Variants in WDFY4 observed in about 807,000 individuals in gnomAD.
The protein encoded by WDFY4 is WDFY family member 4, also known as WD repeat- and FYVE domain-containing protein 4.
A neutral mutation model predicts 351.9 loss-of-function variants in WDFY4; 169 were observed. The observed-to-expected ratio is 0.48, with a 90% confidence interval of 0.42 to 0.55. The LOEUF (loss-of-function observed/expected upper bound fraction) is 0.55, where lower values mean the gene tolerates loss of function less well. Ranked by LOEUF, WDFY4 falls within the 20% of genes least tolerant of loss-of-function variation. WDFY4 has a pLI of 0.00. For synonymous variants in WDFY4, 1,622 were observed against 1,574.6 expected (o/e 1.03, Z -0.71); for missense variants, 3,803 against 3,935.6 (o/e 0.97, Z 0.90).
At chr10:48,842,493 C>T (rs371266399) in intron 39 of WDFY4, among the ~76,000 whole-genome samples, 1 of 152,202 alleles carries the variant, frequency 6.6e-6, no homozygotes, top group South Asian at 2.1e-4. Context: ...GAGGAGGACG[C>T]CTTGTTCTCA....
At chr10:48,958,430 C>A (rs1003772483) in intron 52 of WDFY4, among the ~76,000 whole-genome samples, 1 of 152,158 alleles carries the variant, frequency 6.6e-6, no homozygotes, top group African/African-American at 2.4e-5. Context: ...GGTTAGAGCA[C>A]TGACCAGAGT....
Position 48,828,902 on chromosome 10 carries a change from TTTTA to T in WDFY4, c.6340+10_6340+13del, listed in dbSNP as rs1339574792. 8 of 1,020,746 alleles carry T rather than the reference TTTTA, an allele frequency of 7.8e-6. No homozygotes were observed. The East Asian group carries it at 5.2e-4, about 66-fold the overall frequency. 63.2% of individuals were successfully genotyped at this position (1,020,746 alleles called of 1,614,324 possible). ...CTTACCAAGTTTGAGTGATGGTACA[TTTTA>T]TTTGTCATTGTGTGTGTGGGCGGGG... On this transcript the variant is annotated splice_region_variant and intron_variant, in intron 37 of 61. Transcript: ENST00000325239.
chr10:48,780,175 C>T (rs1214525809), intron 19 of WDFY4, 56 bp downstream of exon 19: 2 of 1,523,256 alleles, frequency 1.3e-6, no homozygotes, highest in Middle Eastern at 1.7e-4. Context: ...CTGCTACTAC[C>T]CTGAAGTGGC....
intron 47 of WDFY4, among the ~76,000 whole-genome samples, chr10:48,928,072 G>A (rs549136477): frequency 2.6e-5 from 4 of 152,276 alleles, no homozygotes; most frequent in South Asian, 2.1e-4. Flanking sequence ...TGTTTTAAGC[G>A]CTGCTATTGC....
chr10:48,933,790 C>T (rs1021931782), intron 47 of WDFY4, among the ~76,000 whole-genome samples: 5 of 152,118 alleles, frequency 3.3e-5, no homozygotes, highest in African/African-American at 1.2e-4. Context: ...CAATTGCACA[C>T]CTTGTGTTCT....
chr10:48,909,093 T>A (rs1173898717), intron 47 of WDFY4, among the ~76,000 whole-genome samples: 2 of 152,244 alleles, frequency 1.3e-5, no homozygotes, highest in Non-Finnish European at 2.9e-5. Context: ...TTGTTGCATG[T>A]ATCAGTGGTC....
chr10:48,880,955 C>T (rs1488809778), intron 43 of WDFY4, among the ~76,000 whole-genome samples: 18 of 152,078 alleles, frequency 1.2e-4, no homozygotes, highest in Admixed American at 7.9e-4. Flanking sequence ...AAAACCCTGC[C>T]CAATTCTAAT....
intron 40 of WDFY4, among the ~76,000 whole-genome samples, chr10:48,870,388 A>G (rs2069721111): frequency 6.6e-6 from 1 of 152,190 alleles, no homozygotes; most frequent in Admixed American, 6.5e-5. Flanking sequence ...GTAGTTAAAA[A>G]GACATTAGCC....
At position 48,976,927 on chromosome 10, in the gene WDFY4, C is replaced by G; in HGVS notation, c.9239C>G (p.Ala3080Gly). 2 of 1,531,086 alleles carry G rather than the reference C, an allele frequency of 1.3e-6. No individual in the cohort carries two copies. The highest frequency in any genetic ancestry group is 1.8e-6 in the Non-Finnish European group (2 of 1,135,532). 94.8% of individuals were successfully genotyped at this position (1,531,086 alleles called of 1,614,324 possible). Residue 3080 changes from alanine (A) to glycine (G), a missense_variant, in exon 59 of 62, where the codon GCA (alanine) becomes GGA (glycine). Physicochemically the swap from Ala to Gly is moderately conservative, Grantham distance 60. This residue lies in a region of WDFY4 where 3,054 missense variants were observed against 3,148.6 expected (regional missense o/e 0.97). Transcript: ENST00000325239. ...ITCCCLMEGP[A>G]WDTSQIIITG... Reference sequence around the variant, plus strand: ...TGCTGCTGCCTGATGGAGGGCCCAGCATGGGACACAAGCCAGATCATCATC... The same window carrying G: ...TGCTGCTGCCTGATGGAGGGCCCAGGATGGGACACAAGCCAGATCATCATC...
intron 44 of WDFY4, among the ~76,000 whole-genome samples, chr10:48,893,681 G>GT (rs1836930129): frequency 6.6e-6 from 1 of 152,182 alleles, no homozygotes; most frequent in Non-Finnish European, 1.5e-5. Context: ...ATGTTTCTGG[G>GT]TATAAATTCC....
At chr10:48,802,253 G>A (rs1289095589) in intron 24 of WDFY4, among the ~76,000 whole-genome samples, 4 of 152,184 alleles carry the variant, frequency 2.6e-5, no homozygotes, top group Non-Finnish European at 1.5e-5. Flanking sequence ...GTGCAAACCT[G>A]TAGTTCTAAC....
chr10:48,764,773 G>A (rs879594996), intron 13 of WDFY4, among the ~76,000 whole-genome samples: 1 of 152,248 alleles, frequency 6.6e-6, no homozygotes, highest in Admixed American at 6.5e-5. Context: ...ATGTGCCTTT[G>A]GGGATTCAGA....
At chr10:48,963,243 A>T (rs1019459577) in intron 53 of WDFY4, among the ~76,000 whole-genome samples, 1 of 152,208 alleles carries the variant, frequency 6.6e-6, no homozygotes, top group Non-Finnish European at 1.5e-5. Context: ...TAGTGAAATC[A>T]CCTAACTCCT....
At chr10:48,898,925 C>G (rs761850587) in intron 45 of WDFY4, among the ~76,000 whole-genome samples, 1 of 152,104 alleles carries the variant, frequency 6.6e-6, no homozygotes, top group African/African-American at 2.4e-5. Flanking sequence ...CTTCAGTGAG[C>G]GGGAGGCCGT....
chr10:48,919,867 C>A (rs72799380), intron 47 of WDFY4, among the ~76,000 whole-genome samples: 9,361 of 150,928 alleles, frequency 0.062, 354 homozygotes, highest in Non-Finnish European at 0.092. Flanking sequence ...TGATCTCTTT[C>A]AAAAAAAAAT....
chr10:48,783,759 G>A (rs377155856), intron 19 of WDFY4, among the ~76,000 whole-genome samples: 43 of 152,198 alleles, frequency 2.8e-4, no homozygotes, highest in African/African-American at 8.7e-4. Flanking sequence ...AGGCTATATG[G>A]TATAGCTTAT....
chr10:48,860,314 A>G (rs564256355), intron 39 of WDFY4, among the ~76,000 whole-genome samples: 1 of 152,284 alleles, frequency 6.6e-6, no homozygotes, highest in African/African-American at 2.4e-5. Flanking sequence ...GTTACTACCC[A>G]CAGGCTGGCT....
At chr10:48,805,560 A>C (rs901783518) in intron 26 of WDFY4, 139 bp downstream of exon 26, 9 of 1,213,948 alleles carry the variant, frequency 7.4e-6, no homozygotes, top group Non-Finnish European at 1.0e-5. Context: ...CAGGGCTGAG[A>C]GTTGGGGAAA....
chr10:48,837,342 C>G (rs1322786958), intron 39 of WDFY4, among the ~76,000 whole-genome samples: 1 of 151,958 alleles, frequency 6.6e-6, no homozygotes, highest in African/African-American at 2.4e-5. Context: ...TGGGTAAAAG[C>G]CAGGTCAGGG....
Sources: allele counts gnomAD v4.1 joint callset (sites outside exome capture counted in the v4.1 genomes callset), GRCh38; gene constraint gnomAD v4.1.1; regional missense constraint gnomAD v4.1.1; transcripts MANE v1.5; gene names NCBI Gene and HGNC (gene_info 2026-07-23, HGNC 2026-07-21).